The following METTL8 variants were observed in gnomAD, a reference collection of about 807,000 sequenced individuals.
METTL8 encodes tRNA N(3)-cytidine methyltransferase METTL8, mitochondrial.
Under a neutral mutation model 48.7 loss-of-function variants are expected in METTL8, and 32 were observed. The ratio of observed to expected loss-of-function variants is 0.66; its 90% CI spans 0.50 to 0.88. The LOEUF (loss-of-function observed/expected upper bound fraction) is 0.88. Among genes scored for constraint, METTL8 ranks in the 40% least tolerant of loss-of-function variants. METTL8 has a pLI of 0.00. For synonymous variants in METTL8, 136 were observed against 157.1 expected (o/e 0.87, Z 1.01); for missense variants, 464 against 474.4 (o/e 0.98, Z 0.20).
intron 2 of METTL8, among the ~76,000 whole-genome samples, chr2:171,365,297 A>G (rs750452588): frequency 2.0e-5 from 3 of 152,190 alleles, no homozygotes; most frequent in Non-Finnish European, 2.9e-5. Flanking sequence ...TAAAGATCTT[A>G]AGTAGTATAG....
intron 1 of METTL8, among the ~76,000 whole-genome samples, chr2:171,402,998 A>G (rs949598283): frequency 5.3e-5 from 8 of 152,224 alleles, no homozygotes; most frequent in Non-Finnish European, 1.0e-4. Flanking sequence ...ATATCCATGT[A>G]TCCATACTGA....
chr2:171,325,736 T>C, intron 9 of METTL8, 105 bp downstream of exon 9: 1 of 698,640 alleles, frequency 1.4e-6, no homozygotes, highest in Admixed American at 2.9e-5. Flanking sequence ...TAATGCTTAA[T>C]CAATGACTGA....
intron 1 of METTL8, among the ~76,000 whole-genome samples, chr2:171,392,849 C>T (rs1257860934): frequency 6.6e-6 from 1 of 151,798 alleles, no homozygotes; most frequent in Admixed American, 6.6e-5. Context: ...GTAATCCCAG[C>T]ACTTTGGCAG....
chr2:171,333,161 C>A (rs1685728649), intron 5 of METTL8, among the ~76,000 whole-genome samples: 1 of 150,468 alleles, frequency 6.6e-6, no homozygotes, highest in African/African-American at 2.4e-5. Flanking sequence ...TGCAATGGTG[C>A]AATCTCGGCT....
Position 171,368,673 on chromosome 2 carries a change from A to C in METTL8, c.144-8160T>G, listed in dbSNP as rs369247645. 5.3e-5 allele frequency among the ~76,000 whole-genome samples: 8 copies of C among 151,998 alleles called. 1 individual carries two copies. Among genetic ancestry groups the C allele is most frequent in the African/African-American group, 1.9e-4 (8 of 41,500 alleles). ...CCAATATTTTCCAAATTATCCATGC[A>C]TGATGTTATAAATCATGCCTAGGTA... On this transcript the variant is annotated intron_variant, in intron 2 of 9. Coordinates refer to ENST00000375258, the MANE Select transcript of METTL8 (RefSeq NM_001321154.2).
rs1050716156 is a variant in METTL8 at position 171,316,030 on chromosome 2, A to T, written c.*8142T>A. Among the ~76,000 whole-genome samples, 2 of 152,214 alleles carry T rather than the reference A, an allele frequency of 1.3e-5. No individual in the cohort carries two copies. Among genetic ancestry groups the T allele is most frequent in the Non-Finnish European group, 2.9e-5 (2 of 68,034 alleles). ...TGACGTAGTAGGTGAAAAACAGCAA[A>T]GAGGTAATTCTTTATTCTCGAGAGC... On this transcript the variant is annotated 3_prime_UTR_variant, in exon 10 of 10. Coordinates refer to ENST00000375258, the MANE Select transcript of METTL8 (RefSeq NM_001321154.2).
chr2:171,408,780 G>A (rs775370942), intron 1 of METTL8, among the ~76,000 whole-genome samples: 3 of 152,072 alleles, frequency 2.0e-5, no homozygotes, highest in Non-Finnish European at 4.4e-5. Flanking sequence ...TACAACCTCT[G>A]GCATGATACC....
chr2:171,339,258 A>G lies in METTL8; in HGVS notation c.532T>C (p.Ser178Pro). 2 of 1,608,300 alleles carry G rather than the reference A, an allele frequency of 1.2e-6. No homozygotes were observed. The highest frequency in any genetic ancestry group is 1.7e-6 in the Non-Finnish European group (2 of 1,177,622). Residue 178 changes from serine (S) to proline (P), a missense_variant, in exon 4 of 10, where the codon TCT (serine) becomes CCT (proline). By Grantham distance (74) the Ser-to-Pro change is moderately conservative (BLOSUM62 -1). Transcript: ENST00000375258. ...KTESDFSNLDSEKHKKGPMET... is the reference protein window; with the variant it reads ...KTESDFSNLDPEKHKKGPMET... ...ATAGGTCCTTTTTTGTGTTTTTCAG[A>G]GTCTAGGTTGGAAAAATCAGATTCT...
At chr2:171,327,908 A>C (rs1321250803) in intron 7 of METTL8, among the ~76,000 whole-genome samples, 1 of 152,240 alleles carries the variant, frequency 6.6e-6, no homozygotes, top group African/African-American at 2.4e-5. Context: ...TTAGTAAAAC[A>C]AGTATGAAAC....
intron 1 of METTL8, among the ~76,000 whole-genome samples, chr2:171,410,348 A>C (rs1690623922): frequency 6.6e-6 from 1 of 152,218 alleles, no homozygotes; most frequent in African/African-American, 2.4e-5. Flanking sequence ...TATTTTCCCA[A>C]ATAGCTGAAA....
intron 1 of METTL8, among the ~76,000 whole-genome samples, chr2:171,398,256 G>T (rs1689301290): frequency 6.6e-6 from 1 of 152,090 alleles, no homozygotes; most frequent in Admixed American, 6.6e-5. Flanking sequence ...GTCCATTGAA[G>T]ATAAATGGAT....
At chr2:171,434,324 G>A (rs1420787403), upstream of METTL8, 3 of 666,326 alleles carry the variant, frequency 4.5e-6, no homozygotes, top group South Asian at 1.5e-5. Flanking sequence ...CACTGTCAGC[G>A]GCCAGAGAGC....
intron 3 of METTL8, among the ~76,000 whole-genome samples, chr2:171,351,994 A>G (rs908663640): frequency 3.9e-5 from 6 of 152,120 alleles, no homozygotes; most frequent in African/African-American, 1.4e-4. Context: ...TTCCAACACT[A>G]TGTTGAGTAA....
chr2:171,385,967 CTTT>C (rs1203942742), intron 2 of METTL8, among the ~76,000 whole-genome samples: 2 of 152,172 alleles, frequency 1.3e-5, no homozygotes, highest in Non-Finnish European at 2.9e-5. Context: ...CTAAAAGAGC[CTTT>C]TCAAGTTAGA....
At chr2:171,361,210 C>T (rs1685130229) in intron 2 of METTL8, among the ~76,000 whole-genome samples, 2 of 149,972 alleles carry the variant, frequency 1.3e-5, no homozygotes, top group South Asian at 2.1e-4. Flanking sequence ...CAACTGTATA[C>T]AAGAAAGGTA....
upstream of METTL8, chr2:171,434,711 C>A: frequency 6.9e-7 from 1 of 1,459,716 alleles, no homozygotes; most frequent in South Asian, 1.4e-5. Context: ...CAGGTGACCG[C>A]CAGCCGGCCG....
chr2:171,434,137 C>T, upstream of METTL8: 2 of 344,518 alleles, frequency 5.8e-6, no homozygotes, highest in South Asian at 4.3e-5. Context: ...GCAGCCTCCG[C>T]GGGCCGGAGG....
intron 1 of METTL8, chr2:171,433,214 G>C (rs969703870): frequency 6.6e-6 from 1 of 152,100 alleles, no homozygotes; most frequent in African/African-American, 2.4e-5. Flanking sequence ...CAGTACCCTG[G>C]GGTACCTGGT....
At chr2:171,325,574 A>T (rs971564818) in intron 9 of METTL8, among the ~76,000 whole-genome samples, 1 of 152,178 alleles carries the variant, frequency 6.6e-6, no homozygotes. Context: ...GGCTAACAAT[A>T]TCTCCAAAAT....
Sources: gnomAD v4.1 joint callset for allele counts (sites outside exome capture counted in the v4.1 genomes callset) on GRCh38, gnomAD v4.1.1 for gene constraint, MANE v1.5 for transcripts, NCBI Gene and HGNC (gene_info 2026-07-23, HGNC 2026-07-21) for gene names.